The following UROS variants were observed in gnomAD, a reference collection of about 807,000 sequenced individuals.
UROS encodes uroporphyrinogen III synthase, also known as uroporphyrinogen-III synthase.
UROS carries 18 observed loss-of-function variants against 33.0 expected under a neutral mutation model. The ratio of observed to expected loss-of-function variants is 0.55; its 90% CI spans 0.38 to 0.81. The LOEUF (loss-of-function observed/expected upper bound fraction) is 0.81. Among genes scored for constraint, UROS ranks in the 30% least tolerant of loss-of-function variants. The pLI is 0.00. For missense variants in UROS, 293 were observed against 314.9 expected, an observed-to-expected ratio of 0.93 and a Z score of 0.53; for synonymous variants, 114 against 121.1, an observed-to-expected ratio of 0.94 and a Z score of 0.38.
intron 8 of UROS, among the ~76,000 whole-genome samples, chr10:125,795,706 A>G (rs927626853): frequency 3.3e-5 from 5 of 152,164 alleles, no homozygotes; most frequent in African/African-American, 7.2e-5. Flanking sequence ...CAAGGCCACT[A>G]TTTACCTCAG....
chr10:125,800,970 TGAA>T (rs1232319302), intron 6 of UROS, among the ~76,000 whole-genome samples: 2 of 152,216 alleles, frequency 1.3e-5, no homozygotes, highest in African/African-American at 4.8e-5. Context: ...CAGATTTAGC[TGAA>T]TTAAGGAGCA....
intron 8 of UROS, among the ~76,000 whole-genome samples, chr10:125,795,733 G>C (rs771587458): frequency 6.6e-6 from 1 of 152,106 alleles, no homozygotes; most frequent in East Asian, 1.9e-4. Flanking sequence ...ATGTATCTTC[G>C]ATGCTGTACA....
intron 7 of UROS, chr10:125,796,876 G>A: frequency 1.0e-6 from 1 of 985,216 alleles, no homozygotes; most frequent in Non-Finnish European, 1.2e-6. Flanking sequence ...AAATAAAATG[G>A]GAAACTCTCT....
At chr10:125,822,790 C>CT (rs1283662909) in intron 1 of UROS, among the ~76,000 whole-genome samples, 1 of 152,190 alleles carries the variant, frequency 6.6e-6, no homozygotes, top group African/African-American at 2.4e-5. Context: ...GCGGTGCCGG[C>CT]TTTAAAAAAA....
chr10:125,792,948 G>T (rs538471488), intron 9 of UROS: 2 of 152,348 alleles, frequency 1.3e-5, no homozygotes, highest in Non-Finnish European at 2.9e-5. Flanking sequence ...TGTGAGCAAG[G>T]CCAGCTCTGT....
intron 8 of UROS, 107 bp from the exon 9 acceptor site, chr10:125,795,085 G>T (rs549293882): frequency 9.3e-7 from 1 of 1,080,928 alleles, no homozygotes; most frequent in Admixed American, 1.9e-5. Context: ...CCACCAAGGC[G>T]GTTTTAGCAC....
intron 6 of UROS, among the ~76,000 whole-genome samples, chr10:125,805,402 G>T (rs1371926720): frequency 6.6e-6 from 1 of 152,216 alleles, no homozygotes; most frequent in African/African-American, 2.4e-5. Context: ...ACAGGCCATG[G>T]GATGAGCAGT....
At chr10:125,786,337 G>GCACGATCT (rs1850633648), downstream of UROS, among the ~76,000 whole-genome samples, 4 of 151,360 alleles carry the variant, frequency 2.6e-5, no homozygotes, top group Admixed American at 2.6e-4. Context: ...GAGTGCAGTG[G>GCACGATCT]CACGATCTCA....
Position 125,790,937 on chromosome 10 carries a change from CAAA to C in UROS, c.661-1935_661-1933del, listed in dbSNP as rs1364516737. The stretch of plus-strand genomic sequence containing the variant: ...GAAACCCCCATCTCTACTAAAAATA[CAAA>C]AATTAGCCAGGCATGGTGGCGTGCA... On this transcript the variant is annotated intron_variant, in intron 9 of 9. Coordinates refer to ENST00000368797, the MANE Select transcript of UROS (RefSeq NM_000375.3). 2.0e-5 allele frequency among the ~76,000 whole-genome samples: 3 copies of C among 151,310 alleles called. No homozygotes were observed. In the East Asian group the frequency reaches 5.8e-4, roughly 29 times the overall value.
intron 1 of UROS, among the ~76,000 whole-genome samples, chr10:125,818,067 C>G (rs1206218673): frequency 6.6e-6 from 1 of 152,204 alleles, no homozygotes; most frequent in Non-Finnish European, 1.5e-5. Context: ...AAAGAGCTCC[C>G]TGAGATGTGT....
chr10:125,805,910 G>A (rs999650145), intron 6 of UROS, among the ~76,000 whole-genome samples: 1 of 152,300 alleles, frequency 6.6e-6, no homozygotes, highest in East Asian at 1.9e-4. Context: ...AGAGAAAAAA[G>A]GAGAATTGGA....
chr10:125,789,198 C>A lies in UROS; in HGVS notation c.661-193G>T, dbSNP rs1023777101. 4.2e-6 allele frequency: 6 copies of A among 1,435,658 alleles called. No homozygotes were observed. In the Admixed American group the frequency reaches 1.4e-4, roughly 33 times the overall value. 88.9% of individuals were successfully genotyped at this position (1,435,658 alleles called of 1,614,324 possible). ...AGCGTGCAAAATACCTCTGCATCCA[C>A]GCTCTCATCAGTCTGCCACCCTGAG... On this transcript the variant is annotated intron_variant, in intron 9 of 9. Transcript: ENST00000368797.
chr10:125,804,196 A>C (rs1852109802), intron 6 of UROS, among the ~76,000 whole-genome samples: 1 of 152,182 alleles, frequency 6.6e-6, no homozygotes, highest in African/African-American at 2.4e-5. Flanking sequence ...ATGTGATCAA[A>C]GGGTTGGAGA....
intron 4 of UROS, 92 bp downstream of exon 4, chr10:125,814,942 A>T (rs999814878): frequency 2.8e-6 from 4 of 1,410,104 alleles, no homozygotes; most frequent in Non-Finnish European, 3.9e-6. Context: ...CACTTCTCTT[A>T]GAAGTGCAGC....
At chr10:125,795,850 T>C (rs1175066162) in intron 8 of UROS, among the ~76,000 whole-genome samples, 1 of 152,208 alleles carries the variant, frequency 6.6e-6, no homozygotes, top group Admixed American at 6.5e-5. Flanking sequence ...GACCACCTAC[T>C]ACAAGCACCT....
intron 1 of UROS, among the ~76,000 whole-genome samples, chr10:125,818,630 C>T (rs564206568): frequency 3.9e-5 from 6 of 152,146 alleles, no homozygotes; most frequent in Non-Finnish European, 7.4e-5. Flanking sequence ...GTTAACATGT[C>T]GCCACCTTGG....
chr10:125,790,834 T>TA (rs1850875054), intron 9 of UROS, among the ~76,000 whole-genome samples: 1 of 147,186 alleles, frequency 6.8e-6, no homozygotes, highest in South Asian at 2.1e-4. Flanking sequence ...CTCATGCCTG[T>TA]AATACCAACA....
At chr10:125,808,645 T>A (rs1852541088) in intron 5 of UROS, among the ~76,000 whole-genome samples, 2 of 152,202 alleles carry the variant, frequency 1.3e-5, no homozygotes, top group African/African-American at 4.8e-5. Context: ...ACATTAACTC[T>A]CATATATAGC....
At chr10:125,816,360 A>T (rs1853319295) in intron 2 of UROS, 77 bp downstream of exon 2, 1 of 1,608,340 alleles carries the variant, frequency 6.2e-7, no homozygotes, top group Non-Finnish European at 8.5e-7. Flanking sequence ...GGTTTTGCAA[A>T]ACCCATCCCT....
Sources: allele counts gnomAD v4.1 joint callset (sites outside exome capture counted in the v4.1 genomes callset), GRCh38; gene constraint gnomAD v4.1.1; transcripts MANE v1.5; gene names NCBI Gene and HGNC (gene_info 2026-07-23, HGNC 2026-07-21).